The following BLTP1 variants were observed in gnomAD, a reference collection of about 807,000 sequenced individuals.
BLTP1 encodes the protein fragile site-associated protein.
the BLTP1 span, chr4:122,202,471 C>G: frequency 1.6e-5 from 6 of 373,480 alleles, no homozygotes; most frequent in Non-Finnish European, 2.2e-5. Flanking sequence ...AACAGTATGT[C>G]CAGGGTCACA....
chr4:122,199,220 C>G, the BLTP1 span: 16 of 1,142,624 alleles, frequency 1.4e-5, no homozygotes, highest in Non-Finnish European at 1.9e-5. Flanking sequence ...AGCTCCCTGT[C>G]ACTGAGGTGT....
chr4:122,158,454 G>C, the BLTP1 span, among the ~76,000 whole-genome samples: 1 of 152,098 alleles, frequency 6.6e-6, no homozygotes, highest in Admixed American at 6.5e-5. Context: ...CCTCTTAGTT[G>C]ATATGTTTTC....
chr4:122,301,478 C>A, the BLTP1 span: 1 of 694,060 alleles, frequency 1.4e-6, no homozygotes, highest in South Asian at 2.8e-5. Flanking sequence ...TTGTATCTTA[C>A]ATAAATTACC....
At chr4:122,257,446 T>C in the BLTP1 span, 1 of 1,614,048 alleles carries the variant, frequency 6.2e-7, no homozygotes. Flanking sequence ...ATGGGGGTGG[T>C]CTTCAAAGTG....
chr4:122,348,971 G>A, the BLTP1 span: 1 of 558,308 alleles, frequency 1.8e-6, no homozygotes, highest in South Asian at 3.7e-5. Context: ...TTTCTAGCTA[G>A]GAGTAAAGCT....
chr4:122,323,871 A>G, the BLTP1 span, among the ~76,000 whole-genome samples: 12 of 152,110 alleles, frequency 7.9e-5, 1 homozygote, highest in South Asian at 2.5e-3. Context: ...ATTCCCCTCA[A>G]TTCCCATTAT....
At chr4:122,186,970 C>T in the BLTP1 span, 1 of 971,818 alleles carries the variant, frequency 1.0e-6, no homozygotes, top group Non-Finnish European at 1.2e-6. Context: ...TGGCACAAGG[C>T]ATTTGGGTGA....
the BLTP1 span, among the ~76,000 whole-genome samples, chr4:122,351,778 G>A: frequency 6.6e-6 from 1 of 152,026 alleles, no homozygotes; most frequent in Non-Finnish European, 1.5e-5. Flanking sequence ...CAAAATGCCT[G>A]GCCTGGATTC....
chr4:122,250,967 T>G, the BLTP1 span: 1 of 985,338 alleles, frequency 1.0e-6, no homozygotes, highest in Non-Finnish European at 1.2e-6. Flanking sequence ...AGTGTTTGCT[T>G]ATTTCAGTTA....
At chr4:122,333,980 C>A in the BLTP1 span, among the ~76,000 whole-genome samples, 1 of 151,998 alleles carries the variant, frequency 6.6e-6, no homozygotes, top group African/African-American at 2.4e-5. Context: ...GTTCCCACTT[C>A]ATTTATGTAG....
the BLTP1 span, chr4:122,154,975 A>G: frequency 5.4e-6 from 5 of 918,422 alleles, no homozygotes; most frequent in South Asian, 5.0e-5. Flanking sequence ...TATGAATTCT[A>G]CAGAGAATAA....
At chr4:122,357,028 G>A in the BLTP1 span, 1 of 983,704 alleles carries the variant, frequency 1.0e-6, no homozygotes, top group South Asian at 4.7e-5. Context: ...TTGAAAAATA[G>A]GAAAATGTGA....
the BLTP1 span, chr4:122,200,585 A>AAAAC: frequency 1.8e-6 from 1 of 557,284 alleles, no homozygotes; most frequent in Non-Finnish European, 2.3e-6. Context: ...TCTCAAAACA[A>AAAAC]AAAAAAAAAA....
At chr4:122,266,336 T>C in the BLTP1 span, among the ~76,000 whole-genome samples, 1 of 152,138 alleles carries the variant, frequency 6.6e-6, no homozygotes, top group Non-Finnish European at 1.5e-5. Flanking sequence ...CATTTAAAAA[T>C]AGGTCAGATA....
At chr4:122,155,521 A>C in the BLTP1 span, among the ~76,000 whole-genome samples, 77 of 152,078 alleles carry the variant, frequency 5.1e-4, no homozygotes, top group African/African-American at 1.8e-3. Context: ...ACAGAGTTTC[A>C]CCATGTTGGC....
the BLTP1 span, chr4:122,229,318 C>A: frequency 8.6e-7 from 1 of 1,163,276 alleles, no homozygotes; most frequent in Non-Finnish European, 1.2e-6. Context: ...ATAAAACACA[C>A]ATTTATAGTT....
At chr4:122,203,949 T>C in the BLTP1 span, 1 of 370,948 alleles carries the variant, frequency 2.7e-6, no homozygotes, top group Non-Finnish European at 3.7e-6. Flanking sequence ...AATTTCTGTT[T>C]AGTTCAATTT....
chr4:122,230,066 G>T, the BLTP1 span: 1 of 1,614,196 alleles, frequency 6.2e-7, no homozygotes, highest in Non-Finnish European at 8.5e-7. Context: ...ACTTCAGCCT[G>T]CAGTGCTACG....
At chr4:122,167,423 T>C in the BLTP1 span, among the ~76,000 whole-genome samples, 1 of 152,186 alleles carries the variant, frequency 6.6e-6, no homozygotes, top group Non-Finnish European at 1.5e-5. Context: ...TTAGCTCTTT[T>C]GGGTCTGGGA....
Sources: allele counts gnomAD v4.1 joint callset (sites outside exome capture counted in the v4.1 genomes callset), GRCh38; gene constraint gnomAD v4.1.1; transcripts MANE v1.5; gene names NCBI Gene and HGNC (gene_info 2026-07-23, HGNC 2026-07-21).